MAML3: variants seen among roughly 807,000 people sequenced by gnomAD.
The protein encoded by MAML3 is mastermind-like protein 3.
MAML3 carries 27 observed loss-of-function variants against 101.9 expected under a neutral mutation model. The ratio of observed to expected loss-of-function variants is 0.27; its 90% CI spans 0.20 to 0.37. The LOEUF (loss-of-function observed/expected upper bound fraction) is 0.37, where lower values mean the gene tolerates loss of function less well. Among genes scored for constraint, MAML3 ranks in the 10% least tolerant of loss-of-function variants. MAML3 has a pLI of 1.00. For synonymous variants in MAML3, 501 were observed against 555.9 expected (o/e 0.90, Z 1.39); for missense variants, 1,316 against 1,444.9 (o/e 0.91, Z 1.45).
rs553831492 is a variant in MAML3, at chr4:139,980,486, G to A, written c.469-89519C>T. On this transcript the variant is annotated intron_variant, in intron 1 of 4. Coordinates refer to ENST00000509479, the MANE Select transcript of MAML3 (RefSeq NM_018717.5). ...CCAGGCTGATTTACTTCTCTACATG[G>A]AGTCCAAACATATTAAAAATCTAAT... is the stretch of plus-strand genomic sequence containing the variant. Among the ~76,000 whole-genome samples, 4 of 152,238 alleles carry A rather than the reference G, an allele frequency of 2.6e-5. No individual in the cohort carries two copies. In the East Asian group the frequency reaches 7.7e-4, roughly 29 times the overall value.
chr4:139,786,710 C>T (rs920267913), intron 2 of MAML3, among the ~76,000 whole-genome samples: 83 of 152,162 alleles, frequency 5.5e-4, no homozygotes, highest in African/African-American at 1.9e-3. Flanking sequence ...ACCGGGCAGG[C>T]TGTGTTCACA....
intron 1 of MAML3, among the ~76,000 whole-genome samples, chr4:139,893,471 C>T (rs1732544677): frequency 6.6e-6 from 1 of 152,180 alleles, no homozygotes; most frequent in Admixed American, 6.5e-5. Flanking sequence ...AAGGTAGGAA[C>T]CGTGGCTGAC....
intron 1 of MAML3, among the ~76,000 whole-genome samples, chr4:139,924,180 T>C (rs1019773459): frequency 6.6e-6 from 1 of 152,236 alleles, no homozygotes; most frequent in Non-Finnish European, 1.5e-5. Context: ...GCTTCTATAA[T>C]GTCATTCTAA....
intron 1 of MAML3, among the ~76,000 whole-genome samples, chr4:139,902,322 C>G (rs763687420): frequency 6.6e-6 from 1 of 152,098 alleles, no homozygotes; most frequent in Non-Finnish European, 1.5e-5. Context: ...GGACATAATT[C>G]TTATTTCTAG....
At chr4:140,151,316 G>C (rs1369917362) in intron 1 of MAML3, among the ~76,000 whole-genome samples, 1 of 152,004 alleles carries the variant, frequency 6.6e-6, no homozygotes, top group African/African-American at 2.4e-5. Flanking sequence ...AGCGCCCCCG[G>C]AGAACTGGGA....
intron 1 of MAML3, among the ~76,000 whole-genome samples, chr4:140,060,593 A>G (rs1377681925): frequency 6.6e-6 from 1 of 152,086 alleles, no homozygotes; most frequent in Non-Finnish European, 1.5e-5. Context: ...GACAGACACT[A>G]AATTAAAAGG....
chr4:140,139,661 C>A (rs547139695), intron 1 of MAML3, among the ~76,000 whole-genome samples: 1 of 152,274 alleles, frequency 6.6e-6, no homozygotes, highest in South Asian at 2.1e-4. Context: ...ATGTTTATTG[C>A]AACAGCTGTA....
At chr4:139,765,198 G>C (rs1465743585) in intron 2 of MAML3, among the ~76,000 whole-genome samples, 2 of 151,686 alleles carry the variant, frequency 1.3e-5, no homozygotes, top group Non-Finnish European at 2.9e-5. Flanking sequence ...TGTTATATCT[G>C]GTAAAAAATG....
chr4:139,750,478 C>G (rs1729468483), intron 2 of MAML3, among the ~76,000 whole-genome samples: 1 of 152,200 alleles, frequency 6.6e-6, no homozygotes, highest in Non-Finnish European at 1.5e-5. Flanking sequence ...TTTGGGCTTT[C>G]TTCTCTTTGT....
intron 2 of MAML3, among the ~76,000 whole-genome samples, chr4:139,841,718 T>C (rs555100095): frequency 1.3e-5 from 2 of 152,206 alleles, no homozygotes; most frequent in Admixed American, 6.5e-5. Context: ...GTCACACTTA[T>C]CAACAGTGAG....
At chr4:140,037,602 G>C (rs547238620) in intron 1 of MAML3, among the ~76,000 whole-genome samples, 43 of 152,274 alleles carry the variant, frequency 2.8e-4, no homozygotes, top group African/African-American at 9.9e-4. Flanking sequence ...CTTCAGTTTT[G>C]AACAAACAAA....
chr4:139,732,040 T>G (rs1205919021), intron 2 of MAML3, among the ~76,000 whole-genome samples: 2 of 152,216 alleles, frequency 1.3e-5, no homozygotes, highest in Non-Finnish European at 2.9e-5. Flanking sequence ...TGACACAGAT[T>G]AAATGGGCAC....
chr4:139,822,799 A>T (rs982947906), intron 2 of MAML3, among the ~76,000 whole-genome samples: 1 of 152,242 alleles, frequency 6.6e-6, no homozygotes, highest in African/African-American at 2.4e-5. Flanking sequence ...TGAATGGGAG[A>T]GAAGAATCAG....
At chr4:139,731,818 G>A (rs1343062676) in intron 2 of MAML3, among the ~76,000 whole-genome samples, 3 of 152,200 alleles carry the variant, frequency 2.0e-5, no homozygotes, top group South Asian at 2.1e-4. Context: ...GCTCAAAGGC[G>A]AAGTTTATGC....
intron 1 of MAML3, among the ~76,000 whole-genome samples, chr4:140,067,726 C>CT (rs34853196): frequency 0.026 from 3,405 of 131,338 alleles, 83 homozygotes; most frequent in African/African-American, 0.041. Flanking sequence ...CAATCTTAAT[C>CT]TTTTTTTTTT....
chr4:140,150,618 T>A (rs978443433), intron 1 of MAML3, among the ~76,000 whole-genome samples: 1 of 152,208 alleles, frequency 6.6e-6, no homozygotes, highest in Non-Finnish European at 1.5e-5. Flanking sequence ...AGCCCATTTC[T>A]CCGCAATCCA....
At chr4:139,730,798 C>T (rs889819894) in intron 2 of MAML3, 131 bp from the exon 3 acceptor site, 22 of 779,262 alleles carry the variant, frequency 2.8e-5, no homozygotes, top group African/African-American at 5.3e-5. Context: ...TTGAGTGGCA[C>T]GCATTGCATT....
intron 2 of MAML3, among the ~76,000 whole-genome samples, chr4:139,853,600 G>A (rs1460992100): frequency 6.6e-6 from 1 of 152,188 alleles, no homozygotes; most frequent in Non-Finnish European, 1.5e-5. Context: ...ATCTCCCAGA[G>A]AAGCTGAAGA....
intron 2 of MAML3, among the ~76,000 whole-genome samples, chr4:139,760,566 CAA>C (rs1729735523): frequency 6.6e-6 from 1 of 152,144 alleles, no homozygotes; most frequent in Middle Eastern, 3.2e-3. Flanking sequence ...TGTGGCCAGA[CAA>C]GAGTTCATTG....
Sources: allele counts gnomAD v4.1 joint callset (sites outside exome capture counted in the v4.1 genomes callset), GRCh38; gene constraint gnomAD v4.1.1; transcripts MANE v1.5; gene names NCBI Gene and HGNC (gene_info 2026-07-23, HGNC 2026-07-21).